BMPR2: variants seen among roughly 807,000 people sequenced by gnomAD.
BMPR2 encodes the protein bone morphogenetic protein receptor type 2, also known as bone morphogenetic protein receptor type-2.
BMPR2 carries 29 observed loss-of-function variants against 100.8 expected under a neutral mutation model. The observed-to-expected ratio is 0.29, with a 90% CI of 0.21 to 0.39. BMPR2 has a LOEUF of 0.39. BMPR2 is among the 10% of genes least tolerant of loss of function. BMPR2 has a pLI of 1.00. For synonymous variants in BMPR2, 382 were observed against 442.3 expected (o/e 0.86, Z 1.71); for missense variants, 1,011 against 1,274.5 (o/e 0.79, Z 3.15).
At chr2:202,554,101 T>C (rs1450753694) in intron 11 of BMPR2, among the ~76,000 whole-genome samples, 2 of 152,240 alleles carry the variant, frequency 1.3e-5, no homozygotes, top group South Asian at 2.1e-4. Context: ...TAAACTCTTA[T>C]ACCTTGTATA....
In BMPR2 at chr2:202,555,413, A is replaced by C. The variant is rs543766129; in HGVS notation, c.1748A>C (p.Asn583Thr). Residue 583 changes from asparagine to threonine, a missense_variant, in exon 12 of 13, where the codon AAC becomes ACC. Physicochemically the swap from Asn to Thr is moderately conservative, Grantham distance 65. Coordinates refer to ENST00000374580, the MANE Select transcript of BMPR2 (RefSeq NM_001204.7). ...SSTPLTIGEKNRNSINYERQQ... is the reference protein window; with the variant it reads ...SSTPLTIGEKTRNSINYERQQ... ...ACACCTTTGACTATAGGGGAAAAAA[A>C]CCGAAATTCAATTAACTATGAACGA... 6.2e-7 allele frequency: 1 copy of C among 1,614,152 alleles called. No homozygotes were observed.
intron 3 of BMPR2, among the ~76,000 whole-genome samples, chr2:202,485,760 G>C (rs887759020): frequency 2.6e-5 from 4 of 151,634 alleles, no homozygotes; most frequent in Non-Finnish European, 5.9e-5. Context: ...GACCAGGCTG[G>C]TCTCAAACTC....
chr2:202,419,330 T>G (rs779180330), intron 1 of BMPR2, among the ~76,000 whole-genome samples: 3 of 152,162 alleles, frequency 2.0e-5, no homozygotes, highest in Non-Finnish European at 4.4e-5. Flanking sequence ...TTTTGGGATT[T>G]ATGTTTATTT....
At chr2:202,457,080 T>C (rs1692124494) in intron 1 of BMPR2, among the ~76,000 whole-genome samples, 1 of 152,172 alleles carries the variant, frequency 6.6e-6, no homozygotes. Flanking sequence ...CCATATACTA[T>C]TGTCTGCCAA....
chr2:202,424,790 C>T (rs1468847295), intron 1 of BMPR2, among the ~76,000 whole-genome samples: 1 of 152,144 alleles, frequency 6.6e-6, no homozygotes, highest in East Asian at 1.9e-4. Flanking sequence ...CTCACTTGCT[C>T]TATAAAGGCA....
At chr2:202,542,230 G>C in intron 9 of BMPR2, 81 bp from the exon 10 acceptor site, 2 of 1,521,584 alleles carry the variant, frequency 1.3e-6, no homozygotes, top group South Asian at 1.2e-5. Context: ...TTGCTTACTT[G>C]GTATCAGAAA....
chr2:202,394,701 A>G (rs1259188675), intron 1 of BMPR2, among the ~76,000 whole-genome samples: 1 of 152,086 alleles, frequency 6.6e-6, no homozygotes, highest in African/African-American at 2.4e-5. Flanking sequence ...GTATTATACT[A>G]CGTGCTTTAT....
intron 1 of BMPR2, among the ~76,000 whole-genome samples, chr2:202,398,852 G>T (rs1192699017): frequency 7.2e-5 from 11 of 152,132 alleles, no homozygotes; most frequent in Non-Finnish European, 1.6e-4. Flanking sequence ...ATCATAGCCG[G>T]GTGCGGTGGC....
Position 202,475,429 on chromosome 2 carries a change from A to T in BMPR2, c.418+7740A>T, listed in dbSNP as rs562188070. 9.1e-4 allele frequency among the ~76,000 whole-genome samples: 138 copies of T among 152,308 alleles called. 1 individual carries two copies. Among genetic ancestry groups the T allele is most frequent in the African/African-American group, 3.1e-3 (130 of 41,578 alleles). The stretch of plus-strand genomic sequence containing the variant: ...TACCCACAAAAATAAAAAATTAAAA[A>T]ATATATATTAATGTAGAAGGCACAG... On this transcript the variant is annotated intron_variant, in intron 3 of 12. Coordinates refer to ENST00000374580, the MANE Select transcript of BMPR2 (RefSeq NM_001204.7).
At chr2:202,454,348 G>A (rs1692047759) in intron 1 of BMPR2, among the ~76,000 whole-genome samples, 1 of 152,118 alleles carries the variant, frequency 6.6e-6, no homozygotes, top group South Asian at 2.1e-4. Context: ...TGAGATTACT[G>A]GGGTGAGCCA....
In BMPR2 at chr2:202,377,317, A is replaced by G; in HGVS notation, c.-158A>G. ...TTCTGCAGCGGCATGAAAGCTCTGCAGCTAGGTCCTCTCATCAGCCATTTG... is the reference window on the plus strand; with the variant it reads ...TTCTGCAGCGGCATGAAAGCTCTGCGGCTAGGTCCTCTCATCAGCCATTTG... On this transcript the variant is annotated 5_prime_UTR_variant, in exon 1 of 13. Coordinates refer to ENST00000374580, the MANE Select transcript of BMPR2 (RefSeq NM_001204.7). 1.4e-6 allele frequency: 1 copy of G among 739,440 alleles called. No individual in the cohort carries two copies. The highest frequency in any genetic ancestry group is 2.5e-6 in the Non-Finnish European group (1 of 406,422). The allele number at this position is 739,440 out of a possible 1,614,324, so 45.8% of individuals were successfully genotyped here.
intron 3 of BMPR2, among the ~76,000 whole-genome samples, chr2:202,481,458 C>T (rs1002101556): frequency 2.6e-5 from 4 of 152,124 alleles, no homozygotes; most frequent in African/African-American, 9.7e-5. Flanking sequence ...GGATTACAGG[C>T]GAGAGACACC....
chr2:202,390,980 C>CTTTTTT lies in BMPR2; in HGVS notation c.76+13452_76+13457dup, dbSNP rs11459505. Among the ~76,000 whole-genome samples, 30 of 51,930 alleles carry CTTTTTT rather than the reference C, an allele frequency of 5.8e-4. 5 individuals are homozygous for CTTTTTT. The highest frequency in any genetic ancestry group is 0.019 in the Middle Eastern group (1 of 52). 34.1% of individuals were successfully genotyped at this position (51,930 alleles called of 152,430 possible). A position where few individuals can be genotyped will look rare whatever the true frequency, so the allele number is the denominator to read the frequency against. On this transcript the variant is annotated intron_variant, in intron 1 of 12. Coordinates refer to ENST00000374580, the MANE Select transcript of BMPR2 (RefSeq NM_001204.7). Reference sequence around the variant, plus strand: ...ACCAAAAATGCTTTTAGTAAGTAGTCTTTTTTTTTTTTTTTTTTTTTTTTT... The same window carrying CTTTTTT: ...ACCAAAAATGCTTTTAGTAAGTAGTCTTTTTTTTTTTTTTTTTTTTTTTTTTTTTTT...
chr2:202,384,820 C>T (rs1472951403), intron 1 of BMPR2, among the ~76,000 whole-genome samples: 4 of 151,780 alleles, frequency 2.6e-5, no homozygotes, highest in African/African-American at 7.3e-5. Flanking sequence ...CTCGAACTCC[C>T]GACCTCAGGT....
rs1688107951 is a variant in BMPR2, at chr2:202,534,967, C to CCCTCCCGGACGGGGCGG, written c.1276+2236_1276+2237insCTCCCGGACGGGGCGGC. Among the ~76,000 whole-genome samples the CCCTCCCGGACGGGGCGG allele has an allele frequency of 6.8e-4, 49 of 71,712 alleles. 2 individuals are homozygous for CCCTCCCGGACGGGGCGG. The highest frequency in any genetic ancestry group is 1.7e-3 in the African/African-American group (34 of 19,990). The allele number at this position is 71,712 out of a possible 152,430, so 47.0% of individuals were successfully genotyped here. A position where few individuals can be genotyped will look rare whatever the true frequency, so the allele number is the denominator to read the frequency against. On this transcript the variant is annotated intron_variant, in intron 9 of 12. Transcript: ENST00000374580. ...GGCGGGGGGCTGACCCCCCCCACCT[C>CCCTCCCGGACGGGGCGG]CTGGCCGGGCGGGTGGCTGACCCCC...
chr2:202,518,612 A>G (rs987302669), intron 5 of BMPR2, among the ~76,000 whole-genome samples: 55 of 152,096 alleles, frequency 3.6e-4, no homozygotes, highest in Non-Finnish European at 6.6e-4. Flanking sequence ...AATTTTGTCC[A>G]GCATTTATAA....
At chr2:202,442,218 C>T (rs1406946720) in intron 1 of BMPR2, among the ~76,000 whole-genome samples, 1 of 150,324 alleles carries the variant, frequency 6.7e-6, no homozygotes, top group Non-Finnish European at 1.5e-5. Context: ...TATGGTCCCC[C>T]AGCAAGAAAT....
chr2:202,527,594 G>A (rs1335309317), intron 7 of BMPR2, among the ~76,000 whole-genome samples: 1 of 148,418 alleles, frequency 6.7e-6, no homozygotes, highest in Non-Finnish European at 1.5e-5. Context: ...GACCATCCTG[G>A]CTAACAAGGT....
chr2:202,395,790 G>A (rs891166924), intron 1 of BMPR2, among the ~76,000 whole-genome samples: 3 of 152,080 alleles, frequency 2.0e-5, no homozygotes, highest in African/African-American at 7.2e-5. Context: ...ACAAAAATTA[G>A]CCAGGCATGG....
Sources: gnomAD v4.1 joint callset for allele counts (sites outside exome capture counted in the v4.1 genomes callset) on GRCh38, gnomAD v4.1.1 for gene constraint, MANE v1.5 for transcripts, NCBI Gene and HGNC (gene_info 2026-07-23, HGNC 2026-07-21) for gene names.